TAFA4: variants seen among roughly 807,000 people sequenced by gnomAD.
The protein encoded by TAFA4 is chemokine-like protein TAFA-4.
A neutral mutation model predicts 21.1 loss-of-function variants in TAFA4; 20 were observed. The observed-to-expected ratio is 0.95, with a 90% CI of 0.67 to 1.38. The LOEUF is 1.38. Ranked by LOEUF, TAFA4 falls within the 40% of genes most tolerant of loss-of-function variation. The pLI, the probability that TAFA4 is intolerant of heterozygous loss-of-function variation, is 0.00. For missense variants in TAFA4, 211 were observed against 180.9 expected (o/e 1.17, Z -0.95); for synonymous variants, 71 against 67.4 (o/e 1.05, Z -0.26).
At chr3:68,900,000 G>A (rs1467171567) in intron 1 of TAFA4, among the ~76,000 whole-genome samples, 1 of 151,200 alleles carries the variant, frequency 6.6e-6, no homozygotes, top group Non-Finnish European at 1.5e-5. Flanking sequence ...AGCACTTTTA[G>A]AGGCTGAGGC....
chr3:68,783,100 T>C (rs943605226), intron 3 of TAFA4, among the ~76,000 whole-genome samples: 1 of 152,136 alleles, frequency 6.6e-6, no homozygotes, highest in Non-Finnish European at 1.5e-5. Context: ...AATAAAATTC[T>C]CAGAAAACTA....
At chr3:68,874,503 T>C (rs1403820902) in intron 3 of TAFA4, among the ~76,000 whole-genome samples, 1 of 152,172 alleles carries the variant, frequency 6.6e-6, no homozygotes, top group Non-Finnish European at 1.5e-5. Flanking sequence ...GGCATACAGA[T>C]GAGGTATTGA....
chr3:68,827,701 T>C (rs1704282947), intron 3 of TAFA4, among the ~76,000 whole-genome samples: 1 of 152,228 alleles, frequency 6.6e-6, no homozygotes, highest in South Asian at 2.1e-4. Context: ...AAAGTGTCTG[T>C]TCATATCCCT....
chr3:68,738,915 G>A (rs1398959984), intron 5 of TAFA4, among the ~76,000 whole-genome samples, 160 bp downstream of exon 5: 3 of 152,112 alleles, frequency 2.0e-5, no homozygotes, highest in Non-Finnish European at 4.4e-5. Context: ...AATGATGCCG[G>A]GAAATGCGCT....
chr3:68,752,933 T>C lies in TAFA4; in HGVS notation c.216A>G (p.Gln72=), dbSNP rs536646432. The C allele has an allele frequency of 6.8e-6, 11 of 1,614,054 alleles. No homozygotes were observed. In the African/African-American group the frequency reaches 9.3e-5, roughly 14 times the overall value. The change falls in exon 4 of 6, where the codon CAA becomes CAG. Residue 72 remains glutamine (Q), a synonymous_variant. Transcript: ENST00000295569. ...CCGGGAAGCAAGAGCACTTGACCGT[T>C]TGTGACCGCTCTTCTATGCGGTTCT... is the stretch of plus-strand genomic sequence containing the variant. ...CNKNRIEERS[Q]TVKCSCFPGQ...
intron 3 of TAFA4, among the ~76,000 whole-genome samples, chr3:68,808,517 C>A (rs569963185): frequency 6.6e-6 from 1 of 152,174 alleles, no homozygotes; most frequent in African/African-American, 2.4e-5. Flanking sequence ...GAATGAGCCA[C>A]CATAGCCTAC....
At chr3:68,837,205 A>G (rs1704544815) in intron 3 of TAFA4, among the ~76,000 whole-genome samples, 1 of 152,226 alleles carries the variant, frequency 6.6e-6, no homozygotes, top group Non-Finnish European at 1.5e-5. Context: ...CTCTGGCTCT[A>G]ATCTCTTGCT....
chr3:68,861,697 G>C (rs530448799), intron 3 of TAFA4, among the ~76,000 whole-genome samples: 113 of 151,886 alleles, frequency 7.4e-4, no homozygotes, highest in Non-Finnish European at 1.2e-3. Context: ...AACACCCTCA[G>C]GGAAAAATAC....
At chr3:68,906,466 T>C (rs952527233) in intron 1 of TAFA4, among the ~76,000 whole-genome samples, 2 of 152,220 alleles carry the variant, frequency 1.3e-5, no homozygotes, top group Non-Finnish European at 2.9e-5. Flanking sequence ...ATTAGTTCAT[T>C]TGAATCTTGC....
intron 3 of TAFA4, among the ~76,000 whole-genome samples, chr3:68,862,959 C>T (rs114568144): frequency 0.013 from 2,046 of 151,772 alleles, 42 homozygotes; most frequent in African/African-American, 0.048. Context: ...AAGAGCCAGG[C>T]GCAGTGGCTC....
intron 5 of TAFA4, 119 bp downstream of exon 5, chr3:68,738,956 C>A: frequency 7.0e-7 from 1 of 1,422,380 alleles, no homozygotes; most frequent in South Asian, 1.4e-5. Flanking sequence ...TAAGGTAGCA[C>A]TGCCCAAGCA....
At chr3:68,820,622 C>A (rs988268238) in intron 3 of TAFA4, among the ~76,000 whole-genome samples, 1 of 152,084 alleles carries the variant, frequency 6.6e-6, no homozygotes, top group African/African-American at 2.4e-5. Flanking sequence ...GCCATGATAG[C>A]ACCACTGTAC....
intron 5 of TAFA4, among the ~76,000 whole-genome samples, chr3:68,734,218 AT>A (rs988209530): frequency 3.9e-5 from 6 of 152,048 alleles, no homozygotes; most frequent in South Asian, 2.1e-4. Context: ...TCTGTTTTTG[AT>A]TTTTTCCAAG....
intron 4 of TAFA4, among the ~76,000 whole-genome samples, chr3:68,746,025 C>G (rs1423582338): frequency 1.3e-5 from 2 of 152,154 alleles, no homozygotes; most frequent in Non-Finnish European, 2.9e-5. Flanking sequence ...GCCAGCACAG[C>G]TAGGATAAAA....
At chr3:68,794,423 C>T (rs928680091) in intron 3 of TAFA4, among the ~76,000 whole-genome samples, 2 of 152,132 alleles carry the variant, frequency 1.3e-5, no homozygotes, top group Non-Finnish European at 2.9e-5. Flanking sequence ...ATCTAACACC[C>T]GGCTTTAAAG....
chr3:68,778,449 G>T (rs1703089933), intron 3 of TAFA4, among the ~76,000 whole-genome samples: 1 of 152,182 alleles, frequency 6.6e-6, no homozygotes, highest in Non-Finnish European at 1.5e-5. Context: ...CGCAATTACA[G>T]TTGGAGACTG....
At chr3:68,745,693 CT>C (rs1486086900) in intron 4 of TAFA4, among the ~76,000 whole-genome samples, 5 of 152,096 alleles carry the variant, frequency 3.3e-5, no homozygotes, top group Non-Finnish European at 7.4e-5. Flanking sequence ...ATTTTGTATT[CT>C]TTTCCCAAAT....
chr3:68,780,912 A>C (rs1156350300), intron 3 of TAFA4, among the ~76,000 whole-genome samples: 1 of 144,172 alleles, frequency 6.9e-6, no homozygotes, highest in Non-Finnish European at 1.5e-5. Context: ...AAAAAAAAAA[A>C]CCTTAAAAAC....
At chr3:68,783,752 A>AGAAAGAAAGAAG (rs1703199021) in intron 3 of TAFA4, among the ~76,000 whole-genome samples, 1 of 152,002 alleles carries the variant, frequency 6.6e-6, no homozygotes, top group Admixed American at 6.5e-5. Flanking sequence ...AAAGTAAGAA[A>AGAAAGAAAGAAG]GAAAGAAACA....
Sources: allele counts gnomAD v4.1 joint callset (sites outside exome capture counted in the v4.1 genomes callset), GRCh38; gene constraint gnomAD v4.1.1; transcripts MANE v1.5; gene names NCBI Gene and HGNC (gene_info 2026-07-23, HGNC 2026-07-21).